Variants in ANO2 observed in about 807,000 individuals in gnomAD.
ANO2 encodes anoctamin 2.
A neutral mutation model predicts 124.2 loss-of-function variants in ANO2; 101 were observed. The ratio of observed to expected loss-of-function variants is 0.81; its 90% CI spans 0.69 to 0.96. The LOEUF (loss-of-function observed/expected upper bound fraction) is 0.96. Ranked by LOEUF, ANO2 falls within the 40% of genes least tolerant of loss-of-function variation. The pLI is 0.00. For missense variants in ANO2, 1,293 were observed against 1,274.5 expected, an observed-to-expected ratio of 1.01 and a Z score of -0.22; for synonymous variants, 486 against 482.5, an observed-to-expected ratio of 1.01 and a Z score of -0.09.
intron 3 of ANO2, chr12:5,856,698 T>A (rs1955108909): frequency 6.6e-6 from 1 of 152,182 alleles, no homozygotes. Context: ...CAGCAAAGTG[T>A]CAAGAGAGAA....
At chr12:5,668,861 T>C (rs1947860280) in intron 14 of ANO2, among the ~76,000 whole-genome samples, 1 of 152,206 alleles carries the variant, frequency 6.6e-6, no homozygotes, top group South Asian at 2.1e-4. Context: ...GTTGTAGACG[T>C]ATGGTCTTAT....
rs188380646 is a variant in ANO2, at chr12:5,607,989, G to A, written c.2087+4667C>T. 3.3e-3 allele frequency among the ~76,000 whole-genome samples: 496 copies of A among 152,058 alleles called. 1 individual carries two copies. Among genetic ancestry groups the A allele is most frequent in the Non-Finnish European group, 4.1e-3 (282 of 68,000 alleles). On this transcript the variant is annotated intron_variant, in intron 19 of 24. Transcript: ENST00000682330. The stretch of plus-strand genomic sequence containing the variant: ...TCCCAAAATCACACCCCACTCCCCC[G>A]GTCCACGGAAAAACTGTCTTCCAGG...
chr12:5,739,707 A>C (rs1951021512), intron 12 of ANO2, among the ~76,000 whole-genome samples: 1 of 152,040 alleles, frequency 6.6e-6, no homozygotes, highest in Non-Finnish European at 1.5e-5. Context: ...TGGCGGGATG[A>C]AGAAAATAAA....
intron 14 of ANO2, among the ~76,000 whole-genome samples, chr12:5,682,816 TAACC>T (rs1948555006): frequency 6.6e-6 from 1 of 152,222 alleles, no homozygotes; most frequent in African/African-American, 2.4e-5. Context: ...TTTAAGGAGC[TAACC>T]ATCTAGCAGA....
rs1278920872 is a variant in ANO2 at position 5,635,002 on chromosome 12, C to T, written c.1816+150G>A. 4.5e-6 allele frequency: 3 copies of T among 665,690 alleles called. No individual in the cohort carries two copies. The highest frequency in any genetic ancestry group is 7.0e-6 in the Non-Finnish European group (3 of 426,542). 41.2% of individuals were successfully genotyped at this position (665,690 alleles called of 1,614,324 possible). On this transcript the variant is annotated intron_variant, in intron 16 of 24. Coordinates refer to ENST00000682330, the MANE Select transcript of ANO2 (RefSeq NM_001364791.2). This position sits in a 1 kb window ranked among gnomAD's most constrained non-coding sequence, Gnocchi z 5.2. ...GCCCTTTGACAGCCCTACAAATACACACACGTTGCACTTCCCCATTTCTCT... is the reference window on the plus strand; with the variant it reads ...GCCCTTTGACAGCCCTACAAATACATACACGTTGCACTTCCCCATTTCTCT...
chr12:5,764,621 T>C (rs1214207040), intron 10 of ANO2, among the ~76,000 whole-genome samples: 4 of 152,136 alleles, frequency 2.6e-5, no homozygotes, highest in Non-Finnish European at 4.4e-5. Flanking sequence ...CATGGCAAAT[T>C]TGTTAATTGG....
chr12:5,892,147 CACTG>C lies in ANO2; in HGVS notation c.534+28889_534+28892del, dbSNP rs202214235. Among the ~76,000 whole-genome samples, 1,410 of 151,970 alleles carry C rather than the reference CACTG, an allele frequency of 9.3e-3. 15 individuals carry two copies. Among genetic ancestry groups the C allele is most frequent in the Non-Finnish European group, 0.012 (836 of 67,958 alleles). ...AATAAAATAACTGAATTAAAAAACT[CACTG>C]AATGAACTCAATAACAGAATTGAAG... is the stretch of plus-strand genomic sequence containing the variant. On this transcript the variant is annotated intron_variant, in intron 3 of 24. Coordinates refer to ENST00000682330, the MANE Select transcript of ANO2 (RefSeq NM_001364791.2).
chr12:5,719,349 C>A (rs1486038977), intron 14 of ANO2, among the ~76,000 whole-genome samples: 1 of 152,144 alleles, frequency 6.6e-6, no homozygotes, highest in African/African-American at 2.4e-5. Context: ...ATAACAGTGA[C>A]TGACAGGACC....
chr12:5,930,882 T>C (rs1359757772), intron 1 of ANO2, among the ~76,000 whole-genome samples: 1 of 152,184 alleles, frequency 6.6e-6, no homozygotes, highest in African/African-American at 2.4e-5. Context: ...AAAATCCATT[T>C]GCATATCCGC....
intron 7 of ANO2, among the ~76,000 whole-genome samples, chr12:5,820,196 C>T (rs1397560593): frequency 1.3e-5 from 2 of 152,154 alleles, no homozygotes; most frequent in African/African-American, 4.8e-5. Context: ...ATACTACTGA[C>T]AATTTATGCT....
intron 3 of ANO2, among the ~76,000 whole-genome samples, chr12:5,878,446 C>T (rs924166419): frequency 6.6e-6 from 1 of 152,194 alleles, no homozygotes; most frequent in Non-Finnish European, 1.5e-5. Flanking sequence ...GTTACCAGCC[C>T]TGGCACAATG....
At chr12:5,757,949 AC>A (rs1164722627) in intron 10 of ANO2, among the ~76,000 whole-genome samples, 2 of 152,232 alleles carry the variant, frequency 1.3e-5, no homozygotes, top group Non-Finnish European at 2.9e-5. Flanking sequence ...GCCCTTATGC[AC>A]AAGGTCATTT....
intron 14 of ANO2, among the ~76,000 whole-genome samples, chr12:5,652,759 A>G (rs1049141551): frequency 1.3e-5 from 2 of 152,120 alleles, no homozygotes; most frequent in Non-Finnish European, 2.9e-5. Flanking sequence ...TCATCACATC[A>G]TATCAAGGGT....
Position 5,675,610 on chromosome 12 carries a change from C to G in ANO2, c.1546-27809G>C, listed in dbSNP as rs117253891. On this transcript the variant is annotated intron_variant, in intron 14 of 24. Coordinates refer to ENST00000682330, the MANE Select transcript of ANO2 (RefSeq NM_001364791.2). ...GAGGAGCCACACTTGTCCTTGGCCT[C>G]GTAACCCATTCCCTTGCCTTGCTGT... Among the ~76,000 whole-genome samples, 680 of 152,290 alleles carry G rather than the reference C, an allele frequency of 4.5e-3. 3 individuals are homozygous for G. Among genetic ancestry groups the G allele is most frequent in the Middle Eastern group, 0.031 (9 of 294 alleles).
intron 3 of ANO2, among the ~76,000 whole-genome samples, chr12:5,857,734 C>T (rs1161153904): frequency 1.3e-5 from 2 of 151,576 alleles, no homozygotes; most frequent in Non-Finnish European, 2.9e-5. Context: ...TTGAATCAAC[C>T]TAAATGTCCA....
intron 14 of ANO2, among the ~76,000 whole-genome samples, chr12:5,679,488 G>A (rs1948399847): frequency 6.6e-6 from 1 of 152,160 alleles, no homozygotes; most frequent in South Asian, 2.1e-4. Flanking sequence ...GACATAAACA[G>A]ACACTTCTCA....
At chr12:5,650,999 A>G (rs558841542) in intron 14 of ANO2, among the ~76,000 whole-genome samples, 8 of 152,232 alleles carry the variant, frequency 5.3e-5, no homozygotes, top group Non-Finnish European at 1.2e-4. Context: ...CACTTGTCCC[A>G]CCTAAGTGGC....
chr12:5,733,969 A>G (rs1251012140), intron 13 of ANO2, among the ~76,000 whole-genome samples: 5 of 152,180 alleles, frequency 3.3e-5, no homozygotes, highest in African/African-American at 4.8e-5. Flanking sequence ...GTATTATTCT[A>G]TGTTTTGCAC....
At chr12:5,682,805 C>A (rs1489235900) in intron 14 of ANO2, among the ~76,000 whole-genome samples, 5 of 152,208 alleles carry the variant, frequency 3.3e-5, no homozygotes, top group African/African-American at 1.2e-4. Context: ...GGATCTGAAC[C>A]TTTAAGGAGC....
Sources: gnomAD v4.1 joint callset for allele counts (sites outside exome capture counted in the v4.1 genomes callset) on GRCh38, gnomAD v4.1.1 for gene constraint, Gnocchi (gnomAD v3.1) non-coding constraint, MANE v1.5 for transcripts, NCBI Gene and HGNC (gene_info 2026-07-23, HGNC 2026-07-21) for gene names.